The following CNTNAP4 variants were observed in gnomAD, a reference collection of about 807,000 sequenced individuals.
The protein encoded by CNTNAP4 is contactin associated protein family member 4, also known as contactin-associated protein-like 4.
CNTNAP4 carries 98 observed loss-of-function variants against 148.4 expected under a neutral mutation model. The ratio of observed to expected loss-of-function variants is 0.66; its 90% confidence interval spans 0.56 to 0.78. The LOEUF is 0.78. CNTNAP4 is among the 30% of genes least tolerant of loss of function. The probability of loss-of-function intolerance (pLI) is 0.00; values close to 1 mark genes in which losing one functional copy is unlikely to be tolerated. For missense variants in CNTNAP4, 1,935 were observed against 1,565.6 expected, an observed-to-expected ratio of 1.24 and a Z score of -3.98; for synonymous variants, 730 against 565.1, an observed-to-expected ratio of 1.29 and a Z score of -4.14.
chr16:76,338,179 G>A (rs150688768), intron 2 of CNTNAP4, among the ~76,000 whole-genome samples: 55 of 152,254 alleles, frequency 3.6e-4, no homozygotes, highest in African/African-American at 1.2e-3. Context: ...TATGTTCAGA[G>A]ATTGCAGTAA....
At chr16:76,382,274 ATTTG>A (rs1416286113) in intron 3 of CNTNAP4, among the ~76,000 whole-genome samples, 1 of 152,114 alleles carries the variant, frequency 6.6e-6, no homozygotes. Flanking sequence ...CAAATAAACT[ATTTG>A]TTGTTTATTT....
At chr16:76,358,655 T>C (rs1007065929) in intron 3 of CNTNAP4, among the ~76,000 whole-genome samples, 2 of 152,184 alleles carry the variant, frequency 1.3e-5, no homozygotes, top group African/African-American at 4.8e-5. Context: ...AGATTACTGG[T>C]CACATTGGAC....
chr16:76,552,871 C>G (rs2144400997), intron 21 of CNTNAP4, among the ~76,000 whole-genome samples: 1 of 152,294 alleles, frequency 6.6e-6, no homozygotes, highest in East Asian at 1.9e-4. Context: ...CTGTTACTTT[C>G]AGGGCATAAG....
At position 76,303,900 on chromosome 16, in the gene CNTNAP4, G is replaced by T. The variant is rs559608642; in HGVS notation, c.86-12513G>T. 2.6e-5 allele frequency among the ~76,000 whole-genome samples: 4 copies of T among 152,074 alleles called. No individual in the cohort carries two copies. The East Asian group carries it at 7.7e-4, about 29-fold the overall frequency. ...GAGGGAAGGATAGCCATGTGGTTAC[G>T]AATGTTGAATGCTGATTTCTCTCTT... On this transcript the variant is annotated intron_variant, in intron 1 of 23. Transcript: ENST00000611870.
chr16:76,334,158 G>A (rs879265604), intron 2 of CNTNAP4, among the ~76,000 whole-genome samples: 6 of 147,816 alleles, frequency 4.1e-5, no homozygotes, highest in African/African-American at 1.0e-4. Context: ...TTGTGCACAT[G>A]TACCCTAAAA....
chr16:76,378,503 G>T (rs1045863721), intron 3 of CNTNAP4, among the ~76,000 whole-genome samples: 7 of 152,168 alleles, frequency 4.6e-5, no homozygotes, highest in Admixed American at 3.9e-4. Context: ...ACCAGGATTT[G>T]TATGTGCTGG....
At chr16:76,363,112 T>C (rs1196208910) in intron 3 of CNTNAP4, among the ~76,000 whole-genome samples, 1 of 150,308 alleles carries the variant, frequency 6.7e-6, no homozygotes, top group Non-Finnish European at 1.5e-5. Context: ...CAAATGCTAC[T>C]GGGTAAACTG....
At chr16:76,330,709 T>C (rs574979092) in intron 2 of CNTNAP4, among the ~76,000 whole-genome samples, 30 of 152,334 alleles carry the variant, frequency 2.0e-4, no homozygotes, top group African/African-American at 7.2e-4. Flanking sequence ...ACTTATTAGA[T>C]TTGCTCTTTT....
chr16:76,362,026 C>G (rs1387020238), intron 3 of CNTNAP4, among the ~76,000 whole-genome samples: 1 of 151,842 alleles, frequency 6.6e-6, no homozygotes, highest in Admixed American at 6.6e-5. Context: ...GGTTTTTTCC[C>G]CTTTTTATGC....
intron 21 of CNTNAP4, among the ~76,000 whole-genome samples, chr16:76,548,061 A>G (rs2084809012): frequency 6.6e-6 from 1 of 152,244 alleles, no homozygotes; most frequent in Non-Finnish European, 1.5e-5. Context: ...AGCTGCCTGT[A>G]CATAACCTGT....
At chr16:76,322,376 C>T (rs545745150) in intron 2 of CNTNAP4, among the ~76,000 whole-genome samples, 2 of 152,256 alleles carry the variant, frequency 1.3e-5, no homozygotes, top group African/African-American at 4.8e-5. Context: ...CTTGAGCCTC[C>T]CAGACACACT....
intron 2 of CNTNAP4, among the ~76,000 whole-genome samples, chr16:76,322,709 T>C (rs1962550423): frequency 6.6e-6 from 1 of 152,260 alleles, no homozygotes; most frequent in Non-Finnish European, 1.5e-5. Flanking sequence ...AAGTGTGTCC[T>C]GCCAGTTAAC....
At chr16:76,555,833 C>G (rs556944553) in intron 23 of CNTNAP4, among the ~76,000 whole-genome samples, 2 of 152,274 alleles carry the variant, frequency 1.3e-5, no homozygotes, top group Admixed American at 1.3e-4. Context: ...TTGCCAGGGT[C>G]CCTGAAACTA....
intron 8 of CNTNAP4, among the ~76,000 whole-genome samples, chr16:76,459,456 C>G (rs2143369552): frequency 1.3e-5 from 2 of 150,416 alleles, no homozygotes; most frequent in Middle Eastern, 6.9e-3. Flanking sequence ...TCTTTTTTTG[C>G]TTCATGGATG....
At chr16:76,369,102 A>G (rs1224918875) in intron 3 of CNTNAP4, among the ~76,000 whole-genome samples, 2 of 151,980 alleles carry the variant, frequency 1.3e-5, no homozygotes, top group Admixed American at 6.5e-5. Context: ...GGAAAAAATG[A>G]TATATAAATA....
chr16:76,387,447 C>G (rs976499020), intron 3 of CNTNAP4, among the ~76,000 whole-genome samples: 9 of 152,086 alleles, frequency 5.9e-5, no homozygotes, highest in African/African-American at 1.9e-4. Context: ...TGCTTTAGGG[C>G]TAAAATAATT....
intron 2 of CNTNAP4, among the ~76,000 whole-genome samples, chr16:76,331,272 C>T (rs2144249681): frequency 6.6e-6 from 1 of 152,070 alleles, no homozygotes; most frequent in African/African-American, 2.4e-5. Flanking sequence ...ACTGTAAGCT[C>T]CGCCTCCCGG....
At chr16:76,414,957 G>A (rs4423446) in intron 3 of CNTNAP4, among the ~76,000 whole-genome samples, 118,506 of 150,642 alleles carry the variant, frequency 0.79, 47,195 homozygotes, top group Non-Finnish European at 0.86. Flanking sequence ...AAACCAACTT[G>A]TGTTTTTTTT....
At chr16:76,511,678 CT>C (rs1022154188) in intron 15 of CNTNAP4, among the ~76,000 whole-genome samples, 17 of 152,030 alleles carry the variant, frequency 1.1e-4, no homozygotes, top group African/African-American at 3.9e-4. Flanking sequence ...TTCAATTTCA[CT>C]TTTGTATGCC....
Sources: allele counts gnomAD v4.1 joint callset (sites outside exome capture counted in the v4.1 genomes callset), GRCh38; gene constraint gnomAD v4.1.1; transcripts MANE v1.5; gene names NCBI Gene and HGNC (gene_info 2026-07-23, HGNC 2026-07-21).